CHRM3: variants seen among roughly 807,000 people sequenced by gnomAD.
CHRM3 encodes the protein cholinergic receptor muscarinic 3.
Under a neutral mutation model 41.8 loss-of-function variants are expected in CHRM3, and 11 were observed. The ratio of observed to expected loss-of-function variants is 0.26; its 90% CI spans 0.17 to 0.44. The LOEUF is 0.44. CHRM3 is among the 20% of genes least tolerant of loss of function. CHRM3 has a pLI of 1.00. For missense variants in CHRM3, 571 were observed against 745.4 expected (o/e 0.77, Z 2.72); for synonymous variants, 297 against 301.4 (o/e 0.99, Z 0.15).
In CHRM3 at chr1:239,900,861, C is replaced by T. The variant is rs1202712635; in HGVS notation, c.-19-6572C>T. Among the ~76,000 whole-genome samples, 4 of 152,154 alleles carry T rather than the reference C, an allele frequency of 2.6e-5. No homozygotes were observed. The East Asian group carries it at 5.8e-4, about 22-fold the overall frequency. Reference sequence around the variant, plus strand: ...ATATTTTTAATCCATCGTATTCAGGCGAGCAAGATCAGTCATTTCATTTTT... The same window carrying T: ...ATATTTTTAATCCATCGTATTCAGGTGAGCAAGATCAGTCATTTCATTTTT... On this transcript the variant is annotated intron_variant, in intron 6 of 6. Coordinates refer to ENST00000676153, the MANE Select transcript of CHRM3 (RefSeq NM_001375978.1).
intron 3 of CHRM3, among the ~76,000 whole-genome samples, chr1:239,585,106 CAT>C (rs1663280622): frequency 1.3e-5 from 2 of 150,794 alleles, no homozygotes; most frequent in African/African-American, 4.9e-5. Context: ...CATATATACA[CAT>C]GTATACATAT....
At chr1:239,618,292 T>TC in intron 3 of CHRM3, among the ~76,000 whole-genome samples, 1 of 143,226 alleles carries the variant, frequency 7.0e-6, no homozygotes, top group African/African-American at 2.7e-5. Context: ...TTTTTTTTTT[T>TC]TTTAATGACA....
At chr1:239,497,518 A>G (rs1267544350) in intron 2 of CHRM3, among the ~76,000 whole-genome samples, 1 of 152,228 alleles carries the variant, frequency 6.6e-6, no homozygotes, top group Non-Finnish European at 1.5e-5. Flanking sequence ...AGTAGATCAT[A>G]CTATCTGTTC....
At chr1:239,792,902 C>T (rs1284075300) in intron 5 of CHRM3, among the ~76,000 whole-genome samples, 2 of 152,122 alleles carry the variant, frequency 1.3e-5, no homozygotes, top group African/African-American at 4.8e-5. Flanking sequence ...TGTTTGTGGC[C>T]TAGTTACAGA....
At chr1:239,816,845 C>G (rs1448266984) in intron 5 of CHRM3, among the ~76,000 whole-genome samples, 1 of 151,674 alleles carries the variant, frequency 6.6e-6, no homozygotes, top group Non-Finnish European at 1.5e-5. Flanking sequence ...ATTCTCCTGC[C>G]TCAGCCTCCT....
At chr1:239,897,550 CATA>C (rs2102986755) in intron 6 of CHRM3, among the ~76,000 whole-genome samples, 2 of 152,270 alleles carry the variant, frequency 1.3e-5, no homozygotes, top group South Asian at 4.1e-4. Flanking sequence ...ATTAAAAACA[CATA>C]ATAATAAATA....
intron 2 of CHRM3, among the ~76,000 whole-genome samples, chr1:239,496,931 G>A (rs1667926478): frequency 1.3e-5 from 2 of 151,990 alleles, no homozygotes; most frequent in Admixed American, 6.6e-5. Context: ...GACCTCTTAT[G>A]CTTATAGTAA....
chr1:239,795,781 G>A (rs1471326562), intron 5 of CHRM3, among the ~76,000 whole-genome samples: 2 of 152,120 alleles, frequency 1.3e-5, no homozygotes, highest in African/African-American at 4.8e-5. Flanking sequence ...ATAAATAGTG[G>A]ATTGTTTTTT....
chr1:239,736,059 A>G (rs1664366308), intron 5 of CHRM3, among the ~76,000 whole-genome samples: 1 of 152,106 alleles, frequency 6.6e-6, no homozygotes, highest in African/African-American at 2.4e-5. Context: ...CCCTAATGTT[A>G]TTATATTCCC....
intron 6 of CHRM3, among the ~76,000 whole-genome samples, chr1:239,829,286 T>G (rs1365596465): frequency 6.6e-6 from 1 of 152,178 alleles, no homozygotes; most frequent in African/African-American, 2.4e-5. Flanking sequence ...TTTGCAAGTC[T>G]GTGCCTCTCC....
intron 5 of CHRM3, among the ~76,000 whole-genome samples, chr1:239,809,633 G>A (rs924040507): frequency 6.6e-6 from 1 of 152,032 alleles, no homozygotes; most frequent in Non-Finnish European, 1.5e-5. Context: ...AAGTAGCTGG[G>A]ACTACAGGTG....
At chr1:239,512,979 G>A (rs1383789630) in intron 2 of CHRM3, among the ~76,000 whole-genome samples, 1 of 152,154 alleles carries the variant, frequency 6.6e-6, no homozygotes, top group African/African-American at 2.4e-5. Context: ...GCATTTGAGA[G>A]ATATATGTTC....
intron 5 of CHRM3, among the ~76,000 whole-genome samples, chr1:239,738,110 G>A (rs1356724491): frequency 1.3e-5 from 2 of 152,104 alleles, no homozygotes; most frequent in South Asian, 2.1e-4. Context: ...CTTTAAAAAC[G>A]AATATGGGGT....
At chr1:239,485,804 C>G (rs1415150432) in intron 1 of CHRM3, among the ~76,000 whole-genome samples, 1 of 152,158 alleles carries the variant, frequency 6.6e-6, no homozygotes, top group East Asian at 1.9e-4. Context: ...ACTGAGTACC[C>G]TGTCAACACT....
At chr1:239,525,467 A>T (rs1796838) in intron 2 of CHRM3, among the ~76,000 whole-genome samples, 64,913 of 151,920 alleles carry the variant, frequency 0.43, 14,410 homozygotes, top group Middle Eastern at 0.62. Flanking sequence ...TTTTTTTAAA[A>T]TTATTTTAAC....
chr1:239,518,220 A>C (rs1669402252), intron 2 of CHRM3, among the ~76,000 whole-genome samples: 1 of 152,038 alleles, frequency 6.6e-6, no homozygotes, highest in Non-Finnish European at 1.5e-5. Flanking sequence ...TTTGTAGACT[A>C]TCTGTAAGAA....
intron 5 of CHRM3, among the ~76,000 whole-genome samples, chr1:239,693,359 A>ATC (rs150257547): frequency 6.0e-5 from 9 of 150,964 alleles, no homozygotes; most frequent in South Asian, 2.1e-4. Flanking sequence ...TAAGGGTAGG[A>ATC]TCTCTCTCTC....
intron 5 of CHRM3, among the ~76,000 whole-genome samples, chr1:239,826,319 G>A (rs1370688404): frequency 6.6e-6 from 1 of 152,152 alleles, no homozygotes; most frequent in Non-Finnish European, 1.5e-5. Flanking sequence ...CGATCTTATA[G>A]TTCCTGTTGC....
chr1:239,884,038 C>G (rs989317183), intron 6 of CHRM3, among the ~76,000 whole-genome samples: 3 of 152,208 alleles, frequency 2.0e-5, no homozygotes, highest in Non-Finnish European at 1.5e-5. Flanking sequence ...GATAACAGTT[C>G]TGATCTCAAG....
Sources: gnomAD v4.1 joint callset for allele counts (sites outside exome capture counted in the v4.1 genomes callset) on GRCh38, gnomAD v4.1.1 for gene constraint, MANE v1.5 for transcripts, NCBI Gene and HGNC (gene_info 2026-07-23, HGNC 2026-07-21) for gene names.